PARP16: variants seen among roughly 807,000 people sequenced by gnomAD.
The protein encoded by PARP16 is poly(ADP-ribose) polymerase family member 16, also known as protein mono-ADP-ribosyltransferase PARP16.
Under a neutral mutation model 35.0 loss-of-function variants are expected in PARP16, and 31 were observed. That is an observed-to-expected ratio of 0.88 (90% CI 0.66 to 1.19). The LOEUF is 1.19. Among genes scored for constraint, PARP16 ranks in the 50% most tolerant of loss-of-function variants. The pLI is 0.00. For missense variants in PARP16, 424 were observed against 411.2 expected, an observed-to-expected ratio of 1.03 and a Z score of -0.27; for synonymous variants, 162 against 169.5, an observed-to-expected ratio of 0.96 and a Z score of 0.34.
At chr15:65,268,201 C>T (rs1008406060) in intron 2 of PARP16, among the ~76,000 whole-genome samples, 18 of 152,106 alleles carry the variant, frequency 1.2e-4, no homozygotes, top group African/African-American at 4.3e-4. Context: ...GCCAACGGGA[C>T]ATTAACATAT....
At chr15:65,281,479 CAGG>C (rs2090420353) in intron 1 of PARP16, among the ~76,000 whole-genome samples, 2 of 152,126 alleles carry the variant, frequency 1.3e-5, no homozygotes, top group Non-Finnish European at 2.9e-5. Flanking sequence ...CACCTGAGGT[CAGG>C]AGTTCAAAAC....
chr15:65,271,435 GGCTACTTTTCATATT>G (rs1203839159), intron 1 of PARP16, among the ~76,000 whole-genome samples: 2 of 151,986 alleles, frequency 1.3e-5, no homozygotes, highest in Non-Finnish European at 2.9e-5. Context: ...CACCACGCCT[GGCTACTTTTCATATT>G]TTTTGGTAGA....
At chr15:65,263,994 A>G (rs931943601) in intron 3 of PARP16, among the ~76,000 whole-genome samples, 4 of 152,188 alleles carry the variant, frequency 2.6e-5, no homozygotes, top group Non-Finnish European at 5.9e-5. Flanking sequence ...ATAAATAAAA[A>G]CATAAAAATT....
rs546878656 is a variant in PARP16 at position 65,264,844 on chromosome 15, C to T, written c.520-1524G>A. Reference sequence around the variant, plus strand: ...TTCACTGAAAACCCAGGCAGAGGGGCCATAGGAGGATTGATGTGCTTTACC... The same window carrying T: ...TTCACTGAAAACCCAGGCAGAGGGGTCATAGGAGGATTGATGTGCTTTACC... On this transcript the variant is annotated intron_variant, in intron 3 of 5. Coordinates refer to ENST00000649807, the MANE Select transcript of PARP16 (RefSeq NM_001316943.2). Among the ~76,000 whole-genome samples the T allele has an allele frequency of 2.0e-5, 3 of 152,250 alleles. No homozygotes were observed. In the East Asian group the frequency reaches 5.8e-4, roughly 29 times the overall value.
chr15:65,286,168 T>C (rs1480953674), intron 1 of PARP16, 85 bp downstream of exon 1: 3 of 1,119,006 alleles, frequency 2.7e-6, no homozygotes, highest in South Asian at 3.7e-5. Flanking sequence ...TGTTTACTAA[T>C]GCGGATGGAA....
intron 3 of PARP16, among the ~76,000 whole-genome samples, chr15:65,241,053 C>A (rs2089063700): frequency 6.6e-6 from 1 of 150,850 alleles, no homozygotes; most frequent in Admixed American, 6.6e-5. Flanking sequence ...CCAGGCTGGT[C>A]TTGAACTCCT....
At chr15:65,246,644 G>A (rs2089216412) in intron 3 of PARP16, among the ~76,000 whole-genome samples, 3 of 152,308 alleles carry the variant, frequency 2.0e-5, no homozygotes, top group African/African-American at 7.2e-5. Context: ...GCAGAATCAG[G>A]TCAGAAGAGG....
chr15:65,235,325 A>AAAAAT (rs1026883594), intron 3 of PARP16, among the ~76,000 whole-genome samples: 2 of 151,940 alleles, frequency 1.3e-5, no homozygotes, highest in Non-Finnish European at 1.5e-5. Flanking sequence ...AAAATTAATA[A>AAAAAT]AAAATAAAAT....
chr15:65,250,931 G>A (rs1018609771), intron 2 of PARP16, among the ~76,000 whole-genome samples: 1 of 152,106 alleles, frequency 6.6e-6, no homozygotes, highest in African/African-American at 2.4e-5. Flanking sequence ...GCAGTGGTGC[G>A]ATCTTGGCTC....
Position 65,279,353 on chromosome 15 carries a change from C to T in PARP16, c.174+6900G>A, listed in dbSNP as rs934237983. ...TATTATTATCAATCAAATACCCTCT[C>T]TCTGCTGCTCACCAATCTGCTGAGG... On this transcript the variant is annotated intron_variant, in intron 1 of 5. Transcript: ENST00000649807. Among the ~76,000 whole-genome samples the T allele has an allele frequency of 2.6e-5, 4 of 152,152 alleles. No individual in the cohort carries two copies. In the South Asian group the frequency reaches 8.3e-4, roughly 32 times the overall value.
chr15:65,267,053 C>A (rs556118750), intron 2 of PARP16, among the ~76,000 whole-genome samples: 3 of 151,266 alleles, frequency 2.0e-5, no homozygotes, highest in Non-Finnish European at 2.9e-5. Flanking sequence ...ACCAGCCTGA[C>A]CAACATGGTG....
intron 1 of PARP16, among the ~76,000 whole-genome samples, chr15:65,279,005 T>C (rs752497488): frequency 4.6e-5 from 7 of 152,158 alleles, no homozygotes; most frequent in Non-Finnish European, 1.0e-4. Flanking sequence ...ACCTACAGTA[T>C]GAAAGGCCAG....
Position 65,286,676 on chromosome 15 carries a change from G to A in PARP16, c.-250C>T, listed in dbSNP as rs1405798529. The A allele has an allele frequency of 6.9e-6, 3 of 436,860 alleles. No individual in the cohort carries two copies. The highest frequency in any genetic ancestry group is 2.1e-5 in the African/African-American group (1 of 48,422). 27.1% of individuals were successfully genotyped at this position (436,860 alleles called of 1,614,324 possible). A position where few individuals can be genotyped will look rare whatever the true frequency, so the allele number is the denominator to read the frequency against. On this transcript the variant is annotated 5_prime_UTR_variant, in exon 1 of 6. Coordinates refer to ENST00000649807, the MANE Select transcript of PARP16 (RefSeq NM_001316943.2). The stretch of plus-strand genomic sequence containing the variant: ...GGCCTGGACCGCGGGTCGGCGGGGA[G>A]GTTGGGCCCAGGGATAAAGGAACTG...
chr15:65,240,307 T>TGG (rs1415684617), intron 3 of PARP16, among the ~76,000 whole-genome samples: 9 of 70,548 alleles, frequency 1.3e-4, no homozygotes, highest in East Asian at 8.5e-4. Flanking sequence ...TGTGTGTGTG[T>TGG]GTGGTGGGGG....
chr15:65,269,328 C>T (rs893764514), intron 2 of PARP16, among the ~76,000 whole-genome samples: 1 of 152,212 alleles, frequency 6.6e-6, no homozygotes, highest in African/African-American at 2.4e-5. Context: ...TCCCACGTAG[C>T]TGGGATTACA....
At chr15:65,240,312 T>TGGGG (rs1183574054) in intron 3 of PARP16, among the ~76,000 whole-genome samples, 2 of 102,130 alleles carry the variant, frequency 2.0e-5, no homozygotes, top group Non-Finnish European at 4.4e-5. Flanking sequence ...GTGTGTGTGG[T>TGGGG]GGGGGGGGCT....
intron 2 of PARP16, among the ~76,000 whole-genome samples, chr15:65,267,515 G>A (rs529527329): frequency 6.6e-6 from 1 of 151,346 alleles, no homozygotes; most frequent in Admixed American, 6.6e-5. Flanking sequence ...GCTGAGGCAG[G>A]AGAATGGTGT....
chr15:65,271,179 G>T, intron 1 of PARP16, 107 bp from the exon 2 acceptor site: 1 of 1,007,652 alleles, frequency 9.9e-7, no homozygotes, highest in Non-Finnish European at 1.5e-6. Flanking sequence ...CGTCTCAAGG[G>T]ATCTCCTGAG....
downstream of PARP16, among the ~76,000 whole-genome samples, chr15:65,233,643 C>T (rs1362645758): frequency 1.4e-4 from 21 of 148,984 alleles, no homozygotes; most frequent in South Asian, 1.1e-3. Context: ...GGCTGAGGCA[C>T]GAGAATCCCT....
Sources: allele counts gnomAD v4.1 joint callset (sites outside exome capture counted in the v4.1 genomes callset), GRCh38; gene constraint gnomAD v4.1.1; transcripts MANE v1.5; gene names NCBI Gene and HGNC (gene_info 2026-07-23, HGNC 2026-07-21).